The following AMMECR1 variants were observed in gnomAD, a reference collection of about 807,000 sequenced individuals.
The protein encoded by AMMECR1 is AMMECR nuclear protein 1.
AMMECR1 carries 3 observed loss-of-function variants against 22.5 expected under a neutral mutation model. The ratio of observed to expected loss-of-function variants is 0.13; its 90% CI spans 0.06 to 0.35. The LOEUF is 0.35. AMMECR1 is among the 10% of genes least tolerant of loss of function. The pLI, the probability that AMMECR1 is intolerant of heterozygous loss-of-function variation, is 1.00. For synonymous variants in AMMECR1, 130 were observed against 116.7 expected (o/e 1.11, Z -0.74); for missense variants, 235 against 278.7 (o/e 0.84, Z 1.12).
chrX:110,345,994 A>T (rs778314693), intron 2 of AMMECR1, among the ~76,000 whole-genome samples: 3 of 112,010 alleles, frequency 2.7e-5, no homozygotes, highest in Non-Finnish European at 5.6e-5. Context: ...AACTATGATC[A>T]TCTTGATGTC....
chrX:110,358,922 G>A (rs1290654925), intron 2 of AMMECR1: 1 of 111,364 alleles, frequency 9.0e-6, no homozygotes, highest in East Asian at 2.8e-4. Context: ...GCCTGGTAAG[G>A]AGAAGATTAT....
At chrX:110,301,980 T>A (rs2067969258) in intron 1 of AMMECR1, among the ~76,000 whole-genome samples, 2 of 111,772 alleles carry the variant, frequency 1.8e-5, no homozygotes, top group South Asian at 7.4e-4. Context: ...CAATCTTCCA[T>A]GGGAATGGAA....
intron 2 of AMMECR1, among the ~76,000 whole-genome samples, chrX:110,366,032 T>C (rs1039344292): frequency 1.2e-4 from 13 of 111,757 alleles, no homozygotes; most frequent in African/African-American, 3.9e-4. Flanking sequence ...CTCTGCAGAC[T>C]GGCTCAGCTG....
At chrX:110,366,747 C>T (rs1020633072) in intron 2 of AMMECR1, among the ~76,000 whole-genome samples, 1 of 111,856 alleles carries the variant, frequency 8.9e-6, no homozygotes, top group East Asian at 2.8e-4. Context: ...CCTGCCCCAG[C>T]AGCCGAATGA....
At chrX:110,218,493 T>C in intron 2 of AMMECR1, among the ~76,000 whole-genome samples, 1 of 110,112 alleles carries the variant, frequency 9.1e-6, no homozygotes, top group Non-Finnish European at 1.9e-5. Context: ...TTTTCATCTT[T>C]CCAAACTGAA....
chrX:110,218,535 T>TC (rs887005098), intron 2 of AMMECR1, among the ~76,000 whole-genome samples: 10 of 76,804 alleles, frequency 1.3e-4, no homozygotes, highest in Non-Finnish European at 1.7e-4. Flanking sequence ...AACTCCCCAT[T>TC]CCCCCCCGCC....
intron 2 of AMMECR1, among the ~76,000 whole-genome samples, chrX:110,247,280 G>A (rs781092318): frequency 1.7e-4 from 19 of 112,317 alleles, no homozygotes; most frequent in East Asian, 1.1e-3. Context: ...CCAGCACTGC[G>A]CATGATAGCT....
chrX:110,207,024 T>C (rs2067424938), intron 3 of AMMECR1, among the ~76,000 whole-genome samples: 1 of 111,978 alleles, frequency 8.9e-6, no homozygotes, highest in South Asian at 3.7e-4. Context: ...ACGCTCAATA[T>C]GCCAGTCCAA....
upstream of AMMECR1, among the ~76,000 whole-genome samples, chrX:110,322,662 A>G (rs2068083495): frequency 8.9e-6 from 1 of 111,817 alleles, no homozygotes; most frequent in South Asian, 3.8e-4. Context: ...CAAATAATCA[A>G]TGTAAAGTAC....
chrX:110,440,151 C>T (rs1406647635), exon 1 of AMMECR1: 1 of 110,786 alleles, frequency 9.0e-6, no homozygotes, highest in Non-Finnish European at 1.9e-5. Context: ...TTCTTTGAGC[C>T]TGTGGCCCGG....
intron 4 of AMMECR1, 61 bp from the exon 5 acceptor site, chrX:110,201,111 A>T (rs1483324888): frequency 1.3e-6 from 1 of 773,276 alleles, no homozygotes; most frequent in Non-Finnish European, 1.9e-6. Flanking sequence ...CCTTTCATTA[A>T]ATACAAAATG....
At chrX:110,396,494 A>G (rs1252099256) in intron 2 of AMMECR1, among the ~76,000 whole-genome samples, 1 of 111,965 alleles carries the variant, frequency 8.9e-6, no homozygotes, top group African/African-American at 3.2e-5. Context: ...TGAGCACTAC[A>G]CTGGAGTTCC....
chrX:110,210,424 A>G (rs973907335), intron 3 of AMMECR1, among the ~76,000 whole-genome samples: 17 of 111,665 alleles, frequency 1.5e-4, no homozygotes, highest in African/African-American at 2.0e-4. Context: ...AACATGATGT[A>G]TATCATAGTT....
At chrX:110,262,911 A>G (rs2067749164) in intron 2 of AMMECR1, among the ~76,000 whole-genome samples, 1 of 111,632 alleles carries the variant, frequency 9.0e-6, no homozygotes, top group East Asian at 2.8e-4. Context: ...GCTACATTCT[A>G]TTTCTCTCTC....
intron 1 of AMMECR1, among the ~76,000 whole-genome samples, chrX:110,285,754 T>G (rs1445633622): frequency 1.8e-5 from 2 of 111,714 alleles, no homozygotes. Context: ...TGCTTCTTAC[T>G]GAATGTGTTT....
chrX:110,361,949 A>G (rs2068266493), intron 2 of AMMECR1, among the ~76,000 whole-genome samples: 1 of 111,915 alleles, frequency 8.9e-6, no homozygotes, highest in Non-Finnish European at 1.9e-5. Flanking sequence ...TTACCAAAAC[A>G]GGGAGCGGGC....
Position 110,198,535 on chromosome X carries a change from G to C in AMMECR1, c.987C>G (p.Tyr329Ter). The C allele has an allele frequency of 1.7e-6, 2 of 1,185,676 alleles. No homozygotes were observed. The highest frequency in any genetic ancestry group is 2.3e-6 in the Non-Finnish European group (2 of 880,023). The stretch of plus-strand genomic sequence containing the variant: ...CGGCTCAGTGTCAGGAATAATGGTT[G>C]TATGGCGGAAGGGGATGCCCAATGC... Reference protein sequence around the residue: ...QNGIGHPLPPYNHYS With the variant: ...QNGIGHPLPP Residue 329 changes from tyrosine (Y) to a stop codon, truncating the protein, a stop_gained, in exon 6 of 6, where the codon TAC (tyrosine) becomes TAG (stop). Coordinates refer to ENST00000262844, the MANE Select transcript of AMMECR1 (RefSeq NM_015365.3). LOFTEE classifies it high-confidence loss of function.
chrX:110,262,883 CAAAT>C (rs1171149412), intron 2 of AMMECR1, among the ~76,000 whole-genome samples: 1 of 111,520 alleles, frequency 9.0e-6, no homozygotes, highest in Non-Finnish European at 1.9e-5. Flanking sequence ...GTCCTGTAGT[CAAAT>C]AAGCCTGGAA....
In AMMECR1 at chrX:110,324,137, C is replaced by T. The variant is rs769525923; in HGVS notation, c.-147-6288G>A. Among the ~76,000 whole-genome samples the T allele has an allele frequency of 3.7e-5, 4 of 109,281 alleles. No homozygotes were observed. The East Asian group carries it at 8.7e-4, about 24-fold the overall frequency. 94.9% of individuals were successfully genotyped at this position (109,281 alleles called of 115,157 possible). A position where few individuals can be genotyped will look rare whatever the true frequency, so the allele number is the denominator to read the frequency against. ...TCAACCTCCCAAGTAGCTGGGACTA[C>T]AGGTGCACGCCACAATGCCCAGCTA... On this transcript the variant is annotated intron_variant, in intron 2 of 7. Coordinates refer to the AMMECR1 transcript ENST00000372057.
Sources: gnomAD v4.1 joint callset for allele counts (sites outside exome capture counted in the v4.1 genomes callset) on GRCh38, gnomAD v4.1.1 for gene constraint, MANE v1.5 for transcripts, NCBI Gene and HGNC (gene_info 2026-07-23, HGNC 2026-07-21) for gene names.